The following ZNF559 variants were observed in gnomAD, a reference collection of about 807,000 sequenced individuals.
ZNF559 encodes putative protein product of Nbla00121.
Under a neutral mutation model 14.2 loss-of-function variants are expected in ZNF559, and 17 were observed. The ratio of observed to expected loss-of-function variants is 1.20; its 90% confidence interval spans 0.82 to 1.80. The LOEUF is 1.80. Among genes scored for constraint, ZNF559 ranks in the 40% most tolerant of loss-of-function variants. The probability of loss-of-function intolerance (pLI) is 0.00; values close to 1 mark genes in which losing one functional copy is unlikely to be tolerated. For missense variants in ZNF559, 740 were observed against 629.7 expected (o/e 1.18, Z -1.88); for synonymous variants, 244 against 212.4 (o/e 1.15, Z -1.29).
chr19:9,324,742 C>T lies in ZNF559; in HGVS notation c.-158C>T, dbSNP rs2066484505. ...TTCACGGTGACCTTCGCTTGGTGTC[C>T]TCCTGGCCTCAGCAACCTGACAATT... On this transcript the variant is annotated 5_prime_UTR_variant, in exon 2 of 7. Coordinates refer to ENST00000603380, the MANE Select transcript of ZNF559 (RefSeq NM_032497.3). 2 of 1,535,828 alleles carry T rather than the reference C, an allele frequency of 1.3e-6. No homozygotes were observed. Among genetic ancestry groups the T allele is most frequent in the South Asian group, 1.2e-5 (1 of 84,042 alleles).
At chr19:9,334,910 G>A (rs769343902) in intron 2 of ZNF559, among the ~76,000 whole-genome samples, 13 of 152,188 alleles carry the variant, frequency 8.5e-5, no homozygotes, top group African/African-American at 1.2e-4. Flanking sequence ...TGAGGCCGGC[G>A]GATCACGAGG....
At chr19:9,324,446 C>T in intron 1 of ZNF559, 2 of 1,435,810 alleles carry the variant, frequency 1.4e-6, no homozygotes, top group South Asian at 1.5e-5. Flanking sequence ...GGGGCCTCGG[C>T]CCGGGAGGAG....
intron 5 of ZNF559, 54 bp from the exon 6 acceptor site, chr19:9,341,046 CCT>C: frequency 7.2e-7 from 1 of 1,391,644 alleles, no homozygotes; most frequent in Non-Finnish European, 1.0e-6. Context: ...TTTTTAACAC[CCT>C]TTTTAAAATC....
At chr19:9,340,981 A>T in intron 5 of ZNF559, 121 bp from the exon 6 acceptor site, 1 of 790,980 alleles carries the variant, frequency 1.3e-6, no homozygotes, top group South Asian at 1.7e-5. Context: ...TTCTTTAAAA[A>T]AACAAACTAT....
At chr19:9,325,027 G>A (rs998827540) in intron 2 of ZNF559, among the ~76,000 whole-genome samples, 1 of 152,196 alleles carries the variant, frequency 6.6e-6, no homozygotes, top group Non-Finnish European at 1.5e-5. Flanking sequence ...TCCCCCAGAG[G>A]TTCAAAACGA....
intron 2 of ZNF559, among the ~76,000 whole-genome samples, chr19:9,325,383 T>C (rs2066524876): frequency 6.6e-6 from 1 of 151,936 alleles, no homozygotes; most frequent in Non-Finnish European, 1.5e-5. Context: ...TCGAGGCTGC[T>C]GTGAGCCATT....
chr19:9,341,575 A>G, intron 6 of ZNF559, 120 bp from the exon 7 acceptor site: 1 of 1,539,994 alleles, frequency 6.5e-7, no homozygotes, highest in Non-Finnish European at 8.8e-7. Context: ...TGGCAGGAAC[A>G]AACAGTTTCA....
chr19:9,341,676 C>G lies in ZNF559; in HGVS notation c.244-19C>G. On this transcript the variant is annotated intron_variant, in intron 6 of 6. Coordinates refer to ENST00000603380, the MANE Select transcript of ZNF559 (RefSeq NM_032497.3). ...AATTTGGAAAACTTCTATGAACCATCATTAATTTTCACCAACAGGAGAGAA... is the reference window on the plus strand; with the variant it reads ...AATTTGGAAAACTTCTATGAACCATGATTAATTTTCACCAACAGGAGAGAA... 1 of 1,599,252 alleles carries G rather than the reference C, an allele frequency of 6.3e-7. No individual in the cohort carries two copies. Among genetic ancestry groups the G allele is most frequent in the Non-Finnish European group, 8.5e-7 (1 of 1,175,952 alleles).
At chr19:9,337,763 T>C (rs964904374) in intron 2 of ZNF559, 33 bp from the exon 3 acceptor site, 4 of 1,397,602 alleles carry the variant, frequency 2.9e-6, no homozygotes, top group Non-Finnish European at 3.7e-6. Flanking sequence ...AATACTCTAG[T>C]GGCACTCACA....
intron 2 of ZNF559, among the ~76,000 whole-genome samples, chr19:9,337,099 A>G (rs2067280136): frequency 6.6e-6 from 1 of 152,204 alleles, no homozygotes; most frequent in African/African-American, 2.4e-5. Flanking sequence ...AACTGTTGCC[A>G]ACTAGGGAAG....
intron 5 of ZNF559, 57 bp downstream of exon 5, chr19:9,339,376 G>C: frequency 6.5e-7 from 1 of 1,546,374 alleles, no homozygotes. Flanking sequence ...TGTGTCTTAA[G>C]TAACTATGTT....
chr19:9,325,567 C>T lies in ZNF559; in HGVS notation c.-120+787C>T, dbSNP rs180953308. ...CAGCATGTTGGGAGGCTGAGGCTGG[C>T]GGATCACGAGGTCAGGAGTTTGAGA... On this transcript the variant is annotated intron_variant, in intron 2 of 6. Coordinates refer to ENST00000603380, the MANE Select transcript of ZNF559 (RefSeq NM_032497.3). Among the ~76,000 whole-genome samples the T allele has an allele frequency of 6.7e-3, 1,011 of 151,976 alleles. 13 individuals are homozygous for T. The highest frequency in any genetic ancestry group is 0.027 in the Admixed American group (407 of 15,264).
chr19:9,335,581 T>C (rs1430879249), intron 2 of ZNF559, among the ~76,000 whole-genome samples: 4 of 152,210 alleles, frequency 2.6e-5, no homozygotes, highest in African/African-American at 9.7e-5. Flanking sequence ...AAGGTCTGGC[T>C]CTATCGCCCA....
chr19:9,342,894 A>C lies in ZNF559; in HGVS notation c.1443A>C (p.Thr481=), dbSNP rs1432846349. 2 of 1,613,254 alleles carry C rather than the reference A, an allele frequency of 1.2e-6. No homozygotes were observed. Among genetic ancestry groups the C allele is most frequent in the Admixed American group, 3.3e-5 (2 of 59,964 alleles). The part of the protein sequence containing the change: ...GQAFSISSGL[T]VHMRTHTGER... ...CCTTCAGTATCTCATCAGGCCTTAC[A>C]GTACACATGAGAACTCACACTGGTG... Residue 481 remains threonine (T), a synonymous_variant, in exon 7 of 7, where the codon ACA becomes ACC. Coordinates refer to ENST00000603380, the MANE Select transcript of ZNF559 (RefSeq NM_032497.3).
intron 5 of ZNF559, among the ~76,000 whole-genome samples, chr19:9,339,622 T>G (rs992419314): frequency 2.6e-5 from 4 of 151,948 alleles, no homozygotes; most frequent in African/African-American, 9.7e-5. Flanking sequence ...GAGAAAAGAG[T>G]ATTTGAAGTT....
chr19:9,332,930 A>G (rs1305614334), intron 2 of ZNF559: 1 of 152,182 alleles, frequency 6.6e-6, no homozygotes, highest in Non-Finnish European at 1.5e-5. Context: ...TGGAAGTTCT[A>G]CATTCTAATA....
intron 2 of ZNF559, 136 bp downstream of exon 2, chr19:9,324,916 G>T (rs1235084906): frequency 4.2e-6 from 3 of 716,238 alleles, no homozygotes; most frequent in South Asian, 3.4e-5. Context: ...ATGAGTGGAT[G>T]AATGCACATA....
intron 4 of ZNF559, 66 bp from the exon 5 acceptor site, chr19:9,339,127 C>T: frequency 6.2e-7 from 1 of 1,606,482 alleles, no homozygotes; most frequent in Non-Finnish European, 8.5e-7. Flanking sequence ...GACAAGGTCC[C>T]TCATTCTCCA....
At position 9,342,506 on chromosome 19, in the gene ZNF559, C is replaced by T. The variant is rs1272819041; in HGVS notation, c.1055C>T (p.Pro352Leu). 1.1e-5 allele frequency: 17 copies of T among 1,614,160 alleles called. No homozygotes were observed. The East Asian group carries it at 3.8e-4, about 36-fold the overall frequency. Residue 352 changes from proline (P) to leucine (L), a missense_variant, in exon 7 of 7, where the codon CCT (proline) becomes CTT (leucine). Physicochemically the swap from Pro to Leu is moderately conservative, Grantham distance 98. Transcript: ENST00000603380. ...KHRRTHTGEKPYECKECGKAF... is the reference protein window; with the variant it reads ...KHRRTHTGEKLYECKECGKAF... ...AGGCGAACTCACACTGGAGAAAAGC[C>T]TTATGAATGTAAGGAATGTGGGAAA...
Sources: allele counts gnomAD v4.1 joint callset (sites outside exome capture counted in the v4.1 genomes callset), GRCh38; gene constraint gnomAD v4.1.1; transcripts MANE v1.5; gene names NCBI Gene and HGNC (gene_info 2026-07-23, HGNC 2026-07-21).